The following ANO4 variants were observed in gnomAD, a reference collection of about 807,000 sequenced individuals.
ANO4 encodes the protein anoctamin 4.
A neutral mutation model predicts 141.9 loss-of-function variants in ANO4; 69 were observed. That is an observed-to-expected ratio of 0.49 (90% CI 0.40 to 0.59). ANO4 has a LOEUF of 0.59. Ranked by LOEUF, ANO4 falls within the 20% of genes least tolerant of loss-of-function variation. The pLI, the probability that ANO4 is intolerant of heterozygous loss-of-function variation, is 0.00. For missense variants in ANO4, 894 were observed against 1,162.2 expected (o/e 0.77, Z 3.36); for synonymous variants, 350 against 394.3 (o/e 0.89, Z 1.33).
chr12:100,970,855 G>A (rs1368181798), intron 5 of ANO4, among the ~76,000 whole-genome samples: 9 of 151,932 alleles, frequency 5.9e-5, no homozygotes, highest in African/African-American at 2.2e-4. Flanking sequence ...AGTACCTGGG[G>A]TTACAGGCAC....
intron 1 of ANO4, among the ~76,000 whole-genome samples, chr12:100,721,744 TCCTGGCTCATTGCAGCCTCTACCTC>T (rs2030876220): frequency 1.3e-5 from 2 of 152,318 alleles, no homozygotes; most frequent in African/African-American, 4.8e-5. Flanking sequence ...AGTGGCATGA[TCCTGGCTCATTGCAGCCTCTACCTC>T]CCTGGCTCAA....
At chr12:100,779,494 A>G (rs1465395517) in intron 3 of ANO4, among the ~76,000 whole-genome samples, 2 of 152,210 alleles carry the variant, frequency 1.3e-5, no homozygotes, top group African/African-American at 4.8e-5. Flanking sequence ...TGATTCTACC[A>G]TGGCAGCTGT....
chr12:101,063,753 T>C (rs922795834), intron 14 of ANO4, among the ~76,000 whole-genome samples: 1 of 130,670 alleles, frequency 7.7e-6, no homozygotes. Context: ...ATCTTTTTTT[T>C]TTTTTTTTTT....
At chr12:100,979,895 C>CTT (rs71091474) in intron 7 of ANO4, among the ~76,000 whole-genome samples, 30 of 119,400 alleles carry the variant, frequency 2.5e-4, no homozygotes, top group Non-Finnish European at 3.9e-4. Context: ...GCCCAGCTGA[C>CTT]TTTTTTTTTT....
At chr12:100,898,391 T>C (rs2040440641) in intron 1 of ANO4, among the ~76,000 whole-genome samples, 1 of 152,194 alleles carries the variant, frequency 6.6e-6, no homozygotes, top group Admixed American at 6.5e-5. Context: ...AGCCCTTGTG[T>C]GAGGAGAGCT....
chr12:100,972,187 C>G (rs2043962976), intron 6 of ANO4, among the ~76,000 whole-genome samples: 1 of 152,166 alleles, frequency 6.6e-6, no homozygotes, highest in Non-Finnish European at 1.5e-5. Context: ...GAATAACGTA[C>G]TTTTGGTTTG....
At chr12:100,870,711 G>A (rs1188392958) in intron 1 of ANO4, among the ~76,000 whole-genome samples, 1 of 152,116 alleles carries the variant, frequency 6.6e-6, no homozygotes. Context: ...GTATGGCAGG[G>A]TGATCTATAG....
chr12:100,974,647 T>A (rs2044084113), intron 6 of ANO4, 198 bp from the exon 7 acceptor site: 1 of 648,548 alleles, frequency 1.5e-6, no homozygotes, highest in South Asian at 1.6e-5. Flanking sequence ...CAATGGAAAC[T>A]GTTTCATAAG....
intron 3 of ANO4, among the ~76,000 whole-genome samples, chr12:100,928,125 T>C (rs1486975040): frequency 1.4e-5 from 2 of 143,530 alleles, no homozygotes; most frequent in African/African-American, 5.1e-5. Context: ...TTAACCTGCA[T>C]GGTCATGCCA....
chr12:100,953,263 A>T (rs2043046297), intron 5 of ANO4, among the ~76,000 whole-genome samples: 1 of 152,250 alleles, frequency 6.6e-6, no homozygotes, highest in Admixed American at 6.5e-5. Context: ...CATGAATATG[A>T]CACTAATTAT....
chr12:100,725,357 T>C, intron 1 of ANO4, among the ~76,000 whole-genome samples: 1 of 133,836 alleles, frequency 7.5e-6, no homozygotes, highest in East Asian at 2.0e-4. Context: ...TTTTTTTTTT[T>C]TTTTTTTGAG....
chr12:100,779,758 A>G (rs1477790043), intron 3 of ANO4, among the ~76,000 whole-genome samples: 1 of 152,010 alleles, frequency 6.6e-6, no homozygotes, highest in Non-Finnish European at 1.5e-5. Flanking sequence ...CTGTTCTGTC[A>G]TCTCCACCAT....
chr12:100,994,089 G>A (rs1046872936), intron 8 of ANO4, among the ~76,000 whole-genome samples: 2 of 152,138 alleles, frequency 1.3e-5, no homozygotes, highest in African/African-American at 4.8e-5. Flanking sequence ...AGTTGTAAGA[G>A]AATCAAAAAT....
At chr12:100,831,365 A>G (rs2036622105) in intron 1 of ANO4, among the ~76,000 whole-genome samples, 1 of 152,132 alleles carries the variant, frequency 6.6e-6, no homozygotes, top group Non-Finnish European at 1.5e-5. Context: ...GACATTTGCT[A>G]CAATTCCAGG....
chr12:100,830,162 G>A (rs1257369615), intron 1 of ANO4, among the ~76,000 whole-genome samples: 2 of 152,060 alleles, frequency 1.3e-5, no homozygotes, highest in African/African-American at 4.8e-5. Flanking sequence ...CTCCAAATGG[G>A]AGATGGTTTC....
At chr12:100,848,519 T>C (rs1269754521) in intron 1 of ANO4, among the ~76,000 whole-genome samples, 1 of 152,260 alleles carries the variant, frequency 6.6e-6, no homozygotes, top group Non-Finnish European at 1.5e-5. Flanking sequence ...ATGATACTGA[T>C]GTATAACCAA....
At chr12:100,989,617 G>A (rs868766509) in intron 8 of ANO4, among the ~76,000 whole-genome samples, 1 of 87,516 alleles carries the variant, frequency 1.1e-5, no homozygotes, top group African/African-American at 3.6e-5. Context: ...CTGGATGGAT[G>A]GATAGATGGA....
intron 3 of ANO4, among the ~76,000 whole-genome samples, chr12:100,925,856 CAT>C (rs138142988): frequency 0.036 from 5,297 of 149,136 alleles, 134 homozygotes; most frequent in Non-Finnish European, 0.05. Flanking sequence ...TACACACACA[CAT>C]ATATATATAT....
chr12:100,977,496 G>A (rs573498164), intron 7 of ANO4, among the ~76,000 whole-genome samples: 41 of 152,130 alleles, frequency 2.7e-4, no homozygotes, highest in Middle Eastern at 3.4e-3. Context: ...GCCTAGCTTG[G>A]GCAACATAGT....
Sources: gnomAD v4.1 joint callset for allele counts (sites outside exome capture counted in the v4.1 genomes callset) on GRCh38, gnomAD v4.1.1 for gene constraint, MANE v1.5 for transcripts, NCBI Gene and HGNC (gene_info 2026-07-23, HGNC 2026-07-21) for gene names.